Variants in CRACR2A observed in about 807,000 individuals in gnomAD.
CRACR2A encodes the protein EF-hand calcium-binding domain-containing protein 4B.
In CRACR2A, 79 loss-of-function variants were observed where a neutral mutation model predicts 90.5. The observed-to-expected ratio is 0.87, with a 90% CI of 0.73 to 1.05. The LOEUF is 1.05. CRACR2A is among the 50% of genes least tolerant of loss of function. The probability of loss-of-function intolerance (pLI) is 0.00; values close to 1 mark genes in which losing one functional copy is unlikely to be tolerated. For synonymous variants in CRACR2A, 338 were observed against 356.7 expected, an observed-to-expected ratio of 0.95 and a Z score of 0.59; for missense variants, 823 against 897.2, an observed-to-expected ratio of 0.92 and a Z score of 1.06.
chr12:3,702,054 A>G (rs1428074908), intron 3 of CRACR2A, among the ~76,000 whole-genome samples: 1 of 152,210 alleles, frequency 6.6e-6, no homozygotes, highest in Non-Finnish European at 1.5e-5. Flanking sequence ...CAAATTTTAA[A>G]AGATAAACCT....
At chr12:3,656,761 C>T (rs188553317) in intron 8 of CRACR2A, among the ~76,000 whole-genome samples, 22 of 152,262 alleles carry the variant, frequency 1.4e-4, no homozygotes, top group Non-Finnish European at 2.5e-4. Flanking sequence ...AGGCCTTGGT[C>T]TCCTCATGTG....
chr12:3,723,170 T>C (rs977394298), intron 2 of CRACR2A, among the ~76,000 whole-genome samples: 2 of 152,204 alleles, frequency 1.3e-5, no homozygotes, highest in African/African-American at 2.4e-5. Flanking sequence ...CCAGTAATAC[T>C]TGCAGCCTTG....
chr12:3,663,548 G>A (rs912708211), intron 7 of CRACR2A, among the ~76,000 whole-genome samples: 5 of 152,114 alleles, frequency 3.3e-5, no homozygotes, highest in South Asian at 2.1e-4. Flanking sequence ...CTTGGGTTCC[G>A]GTCAAGCCTC....
intron 3 of CRACR2A, among the ~76,000 whole-genome samples, chr12:3,697,416 T>C (rs541292521): frequency 1.3e-5 from 2 of 152,338 alleles, no homozygotes; most frequent in South Asian, 4.1e-4. Flanking sequence ...GGCCTCTATA[T>C]ACATTTTTTT....
intron 4 of CRACR2A, among the ~76,000 whole-genome samples, chr12:3,684,637 G>A (rs535871866): frequency 4.6e-5 from 7 of 152,322 alleles, no homozygotes; most frequent in South Asian, 2.1e-4. Flanking sequence ...TACATCCTGC[G>A]TGAGTCAGCA....
chr12:3,694,248 A>T lies in CRACR2A; in HGVS notation c.228+2524T>A, dbSNP rs1288549080. Among the ~76,000 whole-genome samples the T allele has an allele frequency of 4.6e-5, 7 of 152,258 alleles. No homozygotes were observed. In the East Asian group the frequency reaches 1.4e-3, roughly 29 times the overall value. On this transcript the variant is annotated intron_variant, in intron 4 of 19. Transcript: ENST00000440314. ...AGTTGGCCATGTTGGCCAGCACCCC[A>T]TTCCATTTTCAAAACAAATGCAAGC...
chr12:3,721,433 C>T (rs1407927490), intron 2 of CRACR2A, among the ~76,000 whole-genome samples: 1 of 149,294 alleles, frequency 6.7e-6, no homozygotes, highest in Non-Finnish European at 1.5e-5. Flanking sequence ...AGAGAGAGAG[C>T]AAAAGAAAAA....
At chr12:3,669,440 T>C (rs1010262391) in intron 7 of CRACR2A, among the ~76,000 whole-genome samples, 2 of 152,222 alleles carry the variant, frequency 1.3e-5, no homozygotes, top group Non-Finnish European at 2.9e-5. Context: ...CTGTGAATGC[T>C]GAAGGGACTT....
At chr12:3,699,500 A>C (rs1945799787) in intron 3 of CRACR2A, among the ~76,000 whole-genome samples, 1 of 152,000 alleles carries the variant, frequency 6.6e-6, no homozygotes, top group Non-Finnish European at 1.5e-5. Context: ...TCCTATATAG[A>C]CTCTGTAGTA....
At chr12:3,721,754 T>G (rs1946181315) in intron 2 of CRACR2A, among the ~76,000 whole-genome samples, 1 of 152,128 alleles carries the variant, frequency 6.6e-6, no homozygotes, top group Admixed American at 6.5e-5. Context: ...TACCACAATA[T>G]CAATGGTGGT....
Position 3,673,576 on chromosome 12 carries a change from G to T in CRACR2A, c.541C>A (p.Gln181Lys), listed in dbSNP as rs201392258. The T allele has an allele frequency of 3.1e-6, 5 of 1,613,572 alleles. No homozygotes were observed. The East Asian group carries it at 1.1e-4, about 36-fold the overall frequency. ...KVLEDESDVK[Q>K]LWLQLKKEEP... is the part of the protein sequence containing the mutation. The stretch of plus-strand genomic sequence containing the variant: ...TCCTTCTTCAGCTGCAACCAGAGCT[G>T]CTTGACATCACTTTCACTGCAAGAG... Residue 181 changes from glutamine to lysine, a missense_variant, in exon 7 of 20, where the codon CAG (glutamine) becomes AAG (lysine). Physicochemically the swap from Gln to Lys is moderately conservative, Grantham distance 53. Coordinates refer to ENST00000440314, the MANE Select transcript of CRACR2A (RefSeq NM_001144958.2).
At chr12:3,744,475 A>G (rs1177701555) in intron 1 of CRACR2A, among the ~76,000 whole-genome samples, 1 of 152,196 alleles carries the variant, frequency 6.6e-6, no homozygotes, top group African/African-American at 2.4e-5. Context: ...AGAATCAGAG[A>G]GTCCAGAATC....
chr12:3,694,050 G>A (rs2137687203), intron 4 of CRACR2A, among the ~76,000 whole-genome samples: 1 of 152,274 alleles, frequency 6.6e-6, no homozygotes. Flanking sequence ...TGGGGGCTGG[G>A]AATGAGTCCC....
intron 14 of CRACR2A, among the ~76,000 whole-genome samples, chr12:3,636,617 T>C (rs1159750284): frequency 2.0e-5 from 3 of 152,268 alleles, no homozygotes; most frequent in Non-Finnish European, 2.9e-5. Flanking sequence ...CAGCTCCTAC[T>C]GACCTCTTCT....
intron 19 of CRACR2A, 71 bp downstream of exon 19, chr12:3,616,883 C>G: frequency 8.0e-7 from 1 of 1,253,606 alleles, no homozygotes; most frequent in Non-Finnish European, 1.1e-6. Context: ...TGGAGGGAAA[C>G]ACGGTGCCTC....
intron 3 of CRACR2A, among the ~76,000 whole-genome samples, chr12:3,710,911 T>A (rs762225554): frequency 2.0e-5 from 3 of 152,088 alleles, no homozygotes; most frequent in Non-Finnish European, 2.9e-5. Flanking sequence ...ATCATCCACT[T>A]GGGAGGTTAA....
chr12:3,681,951 G>C (rs951510976), intron 4 of CRACR2A, among the ~76,000 whole-genome samples: 4 of 152,130 alleles, frequency 2.6e-5, no homozygotes, highest in African/African-American at 9.7e-5. Context: ...GAGAGTGAGA[G>C]AGAGTGTGCA....
chr12:3,654,188 G>A (rs767722400), intron 10 of CRACR2A, 24 bp downstream of exon 10: 5 of 1,606,984 alleles, frequency 3.1e-6, no homozygotes, highest in Non-Finnish European at 3.4e-6. Context: ...AGACAGCAGA[G>A]GAGTGGACAA....
At chr12:3,742,642 G>C (rs141198958) in intron 1 of CRACR2A, among the ~76,000 whole-genome samples, 449 of 152,306 alleles carry the variant, frequency 2.9e-3, no homozygotes, top group African/African-American at 9.6e-3. Flanking sequence ...ACATTCTACA[G>C]CCTGGCCAGA....
Sources: gnomAD v4.1 joint callset for allele counts (sites outside exome capture counted in the v4.1 genomes callset) on GRCh38, gnomAD v4.1.1 for gene constraint, MANE v1.5 for transcripts, NCBI Gene and HGNC (gene_info 2026-07-23, HGNC 2026-07-21) for gene names.